Variants in AIG1 observed in about 807,000 individuals in gnomAD.
The protein encoded by AIG1 is androgen induced 1.
A neutral mutation model predicts 31.4 loss-of-function variants in AIG1; 23 were observed. That is an observed-to-expected ratio of 0.73 (90% CI 0.53 to 1.04). The LOEUF is 1.04. AIG1 is among the 50% of genes least tolerant of loss of function. The pLI is 0.00. For missense variants in AIG1, 274 were observed against 295.0 expected (o/e 0.93, Z 0.52); for synonymous variants, 100 against 110.5 (o/e 0.90, Z 0.60).
chr6:143,092,008 AAAAAT>A (rs967959581), intron 1 of AIG1, among the ~76,000 whole-genome samples: 5 of 152,194 alleles, frequency 3.3e-5, no homozygotes, highest in African/African-American at 1.2e-4. Context: ...TTACCTAAAA[AAAAAT>A]GGTGAATCCT....
At chr6:143,079,057 C>T (rs903273697) in intron 1 of AIG1, among the ~76,000 whole-genome samples, 3 of 151,986 alleles carry the variant, frequency 2.0e-5, no homozygotes, top group African/African-American at 4.8e-5. Context: ...CAATTGGTGA[C>T]GCCTTCACAG....
At chr6:143,134,802 G>A (rs1783588443) in intron 1 of AIG1, among the ~76,000 whole-genome samples, 1 of 152,010 alleles carries the variant, frequency 6.6e-6, no homozygotes, top group South Asian at 2.1e-4. Context: ...TATTTAATAA[G>A]TTACATGATA....
rs1203574175 is a variant in AIG1 at position 143,280,411 on chromosome 6, T to C, written c.400-3699T>C. Reference sequence around the variant, plus strand: ...AATAGAAATCATTCTACCATAAAGATATATGTGCACAAATGTTCATTGCAG... The same window carrying C: ...AATAGAAATCATTCTACCATAAAGACATATGTGCACAAATGTTCATTGCAG... On this transcript the variant is annotated intron_variant, in intron 3 of 5. Coordinates refer to ENST00000357847, the MANE Select transcript of AIG1 (RefSeq NM_016108.4). The surrounding 1 kb of genome is among the most constrained non-coding windows in gnomAD (Gnocchi z 4.1). 6.6e-6 allele frequency among the ~76,000 whole-genome samples: 1 copy of C among 152,140 alleles called. No homozygotes were observed. The highest frequency in any genetic ancestry group is 1.5e-5 in the Non-Finnish European group (1 of 68,024).
chr6:143,128,638 G>A (rs1317666538), intron 1 of AIG1, among the ~76,000 whole-genome samples: 1 of 152,176 alleles, frequency 6.6e-6, no homozygotes, highest in Non-Finnish European at 1.5e-5. Flanking sequence ...AGATCCACTT[G>A]TGCATCTCCA....
At chr6:143,221,972 C>G (rs1291721810) in intron 3 of AIG1, among the ~76,000 whole-genome samples, 21 of 152,162 alleles carry the variant, frequency 1.4e-4, no homozygotes, top group Admixed American at 1.4e-3. Flanking sequence ...TGCTGCAGGG[C>G]AAGAGATCTG....
intron 1 of AIG1, among the ~76,000 whole-genome samples, chr6:143,098,827 T>C (rs1204087300): frequency 6.6e-6 from 1 of 152,192 alleles, no homozygotes; most frequent in Admixed American, 6.5e-5. Context: ...CTGTGCATTT[T>C]TTTCCCATGG....
intron 3 of AIG1, among the ~76,000 whole-genome samples, chr6:143,251,201 C>G (rs944456427): frequency 6.6e-6 from 1 of 152,012 alleles, no homozygotes; most frequent in East Asian, 1.9e-4. Flanking sequence ...TACAGGCGTG[C>G]GCCACCACGC....
intron 2 of AIG1, among the ~76,000 whole-genome samples, chr6:143,152,193 C>T (rs1270377537): frequency 6.6e-6 from 1 of 152,046 alleles, no homozygotes; most frequent in Non-Finnish European, 1.5e-5. Context: ...TAGGATGCTT[C>T]TAAAAAAAGC....
chr6:143,126,799 A>T (rs916327409), intron 1 of AIG1, among the ~76,000 whole-genome samples: 4 of 152,218 alleles, frequency 2.6e-5, no homozygotes, highest in African/African-American at 9.6e-5. Context: ...TCATTTCTGC[A>T]TATGACAAAC....
chr6:143,332,574 G>T (rs1244946986), intron 4 of AIG1, among the ~76,000 whole-genome samples: 4 of 152,212 alleles, frequency 2.6e-5, no homozygotes, highest in East Asian at 1.9e-4. Context: ...GCTAGGGTAT[G>T]CATGGTTGTG....
intron 4 of AIG1, among the ~76,000 whole-genome samples, chr6:143,305,987 CT>C (rs1338767037): frequency 2.0e-5 from 3 of 151,616 alleles, no homozygotes; most frequent in Admixed American, 2.0e-4. Context: ...TAATGGCCTT[CT>C]TTGTCTCTTT....
In AIG1 at chr6:143,187,426, A is replaced by G. The variant is rs921773318; in HGVS notation, c.399+22243A>G. On this transcript the variant is annotated intron_variant, in intron 3 of 5. Transcript: ENST00000357847. ...ATTCCACCACTTTGGGCTTTTACAC[A>G]GAACTACAGTATGATCAGCTTGGTT... 3 of 1,535,518 alleles carry G rather than the reference A, an allele frequency of 2.0e-6. No homozygotes were observed. The African/African-American group carries it at 4.1e-5, about 21-fold the overall frequency.
intron 3 of AIG1, among the ~76,000 whole-genome samples, chr6:143,217,816 A>G (rs1792154899): frequency 6.6e-6 from 1 of 152,192 alleles, no homozygotes; most frequent in Non-Finnish European, 1.5e-5. Flanking sequence ...ACCACTTTCC[A>G]CATAGTTTTG....
At chr6:143,238,968 G>T (rs1048708605) in intron 3 of AIG1, among the ~76,000 whole-genome samples, 1 of 152,176 alleles carries the variant, frequency 6.6e-6, no homozygotes, top group Admixed American at 6.5e-5. Context: ...TGACACTGGG[G>T]CAGCCTAAAA....
chr6:143,343,065 T>TG, downstream of AIG1: 1 of 783,380 alleles, frequency 1.3e-6, no homozygotes, highest in Non-Finnish European at 2.4e-6. Context: ...GACCATCACT[T>TG]GGTGCATCTC....
At chr6:143,120,362 G>A (rs1010626120) in intron 1 of AIG1, among the ~76,000 whole-genome samples, 10 of 152,112 alleles carry the variant, frequency 6.6e-5, no homozygotes, top group South Asian at 2.1e-4. Context: ...CCATTCTCAC[G>A]CTGCTAATAA....
At chr6:143,216,144 C>T (rs1792011851) in intron 3 of AIG1, among the ~76,000 whole-genome samples, 1 of 151,650 alleles carries the variant, frequency 6.6e-6, no homozygotes, top group African/African-American at 2.4e-5. Context: ...AGGAGAGAAA[C>T]TGTCAAGACT....
intron 4 of AIG1, among the ~76,000 whole-genome samples, chr6:143,332,240 A>G (rs1055897379): frequency 1.3e-5 from 2 of 152,192 alleles, no homozygotes; most frequent in Non-Finnish European, 2.9e-5. Flanking sequence ...CTCAGAACAC[A>G]TAAGTATGAA....
chr6:143,265,882 C>T (rs1220905466), intron 3 of AIG1, among the ~76,000 whole-genome samples: 1 of 152,214 alleles, frequency 6.6e-6, no homozygotes, highest in African/African-American at 2.4e-5. Flanking sequence ...ACGCTGTGTG[C>T]ACATTCCTTC....
Sources: allele counts gnomAD v4.1 joint callset (sites outside exome capture counted in the v4.1 genomes callset), GRCh38; gene constraint gnomAD v4.1.1; non-coding constraint Gnocchi (gnomAD v3.1); transcripts MANE v1.5; gene names NCBI Gene and HGNC (gene_info 2026-07-23, HGNC 2026-07-21).